ZRANB1: variants seen among roughly 807,000 people sequenced by gnomAD.
The protein encoded by ZRANB1 is ubiquitin thioesterase ZRANB1.
ZRANB1 carries 16 observed loss-of-function variants against 80.5 expected under a neutral mutation model. That is an observed-to-expected ratio of 0.20 (90% CI 0.13 to 0.30). The LOEUF (loss-of-function observed/expected upper bound fraction) is 0.30. Ranked by LOEUF, ZRANB1 falls within the 10% of genes least tolerant of loss-of-function variation. The pLI is 1.00. For synonymous variants in ZRANB1, 291 were observed against 293.1 expected (o/e 0.99, Z 0.07); for missense variants, 576 against 862.6 (o/e 0.67, Z 4.16).
At chr10:124,945,451 A>G (rs1181240963) in intron 1 of ZRANB1, 2 of 135,750 alleles carry the variant, frequency 1.5e-5, no homozygotes, top group African/African-American at 6.2e-5. Context: ...GTAGTGTACT[A>G]TGAATACTTG....
chr10:124,940,753 A>G (rs993193290), upstream of ZRANB1, among the ~76,000 whole-genome samples: 1 of 152,114 alleles, frequency 6.6e-6, no homozygotes, highest in Admixed American at 6.6e-5. Context: ...AGGTGGGTGG[A>G]TCACGAGGTC....
rs116871836 is a variant in ZRANB1 at position 124,950,472 on chromosome 10, A to G, written c.814+7165A>G. Among the ~76,000 whole-genome samples, 51 of 152,274 alleles carry G rather than the reference A, an allele frequency of 3.3e-4. 2 individuals are homozygous for G. In the East Asian group the frequency reaches 9.8e-3, roughly 29 times the overall value. ...ACATGTATTGGTAACGTTTTCTTAT[A>G]TTAGTTGTCTGCAAAAATATTGTTA... On this transcript the variant is annotated intron_variant, in intron 1 of 8. Transcript: ENST00000359653.
the ZRANB1 span, among the ~76,000 whole-genome samples, chr10:124,936,069 G>T: frequency 6.6e-6 from 1 of 152,080 alleles, no homozygotes; most frequent in Non-Finnish European, 1.5e-5. Flanking sequence ...ATAAATGAGG[G>T]TGTCTATTGT....
chr10:124,919,977 T>TGGCA, the ZRANB1 span, among the ~76,000 whole-genome samples: 1 of 126,548 alleles, frequency 7.9e-6, no homozygotes, highest in Admixed American at 9.6e-5. Flanking sequence ...TGGAGTGCCG[T>TGGCA]GGCATGATCT....
chr10:124,952,829 C>T (rs765118329), intron 1 of ZRANB1, among the ~76,000 whole-genome samples: 2 of 152,148 alleles, frequency 1.3e-5, no homozygotes, highest in Admixed American at 6.5e-5. Context: ...AGGCTAGTCT[C>T]GAACTCCTAA....
intron 1 of ZRANB1, 92 bp downstream of exon 1, chr10:124,943,399 G>A (rs1951553190): frequency 1.6e-6 from 2 of 1,270,344 alleles, no homozygotes; most frequent in Non-Finnish European, 1.1e-6. Context: ...ACACGTTTGT[G>A]GTCTTAGCCA....
chr10:124,929,405 G>A, the ZRANB1 span, among the ~76,000 whole-genome samples: 7 of 150,340 alleles, frequency 4.7e-5, no homozygotes, highest in Non-Finnish European at 1.0e-4. Flanking sequence ...GCGAGATCTC[G>A]GCTCACTGCA....
the ZRANB1 span, among the ~76,000 whole-genome samples, chr10:124,924,492 G>A: frequency 6.6e-6 from 1 of 152,162 alleles, no homozygotes; most frequent in South Asian, 2.1e-4. Flanking sequence ...TTTCCGCCTT[G>A]CCTCAGCTCC....
chr10:124,917,906 G>T, the ZRANB1 span, among the ~76,000 whole-genome samples: 1 of 152,150 alleles, frequency 6.6e-6, no homozygotes, highest in Admixed American at 6.6e-5. Context: ...TCATTTCACA[G>T]ACAAAAGAAC....
In ZRANB1 at chr10:124,984,989, ATG is replaced by A. The variant is rs1239261799; in HGVS notation, c.2125_2126del (p.Ter709LysfsTer15). 2.5e-6 allele frequency: 4 copies of A among 1,602,102 alleles called. No individual in the cohort carries two copies. In the Admixed American group the frequency reaches 5.1e-5, roughly 20 times the overall value. Reference protein sequence around the residue: ...GEEDEDDEDE* With the variant: ...GEEDEDDEDEX ...AGGAAGATGAGGATGATGAAGATGA[ATG>A]AAAAAAAAAATCAAACAGCAGAAGA... On this transcript the variant is annotated frameshift_variant and stop_lost, in exon 9 of 9. Coordinates refer to ENST00000359653, the MANE Select transcript of ZRANB1 (RefSeq NM_017580.3). LOFTEE classifies it high-confidence loss of function.
At chr10:124,940,621 T>A, upstream of ZRANB1, 1 of 989,318 alleles carries the variant, frequency 1.0e-6, no homozygotes, top group South Asian at 1.4e-5. Flanking sequence ...CTTAGCAGAG[T>A]TCACACTATA....
chr10:124,924,311 AG>A, the ZRANB1 span, among the ~76,000 whole-genome samples: 3 of 151,078 alleles, frequency 2.0e-5, no homozygotes, highest in African/African-American at 4.8e-5. Context: ...AAAAAAAAAA[AG>A]CAGCTTCATT....
chr10:124,968,945 G>A (rs923720773), intron 2 of ZRANB1, among the ~76,000 whole-genome samples: 23 of 152,184 alleles, frequency 1.5e-4, no homozygotes, highest in Middle Eastern at 3.2e-3. Context: ...TCCAGGAGCT[G>A]CTTAGCTGAA....
At chr10:124,943,812 G>A (rs546979969) in intron 1 of ZRANB1, among the ~76,000 whole-genome samples, 3 of 152,270 alleles carry the variant, frequency 2.0e-5, no homozygotes, top group Non-Finnish European at 4.4e-5. Context: ...TGTAACTGAG[G>A]AACACCAGCT....
At chr10:124,970,139 A>G (rs975691438) in intron 2 of ZRANB1, among the ~76,000 whole-genome samples, 2 of 152,176 alleles carry the variant, frequency 1.3e-5, no homozygotes, top group Non-Finnish European at 1.5e-5. Flanking sequence ...TTGGTTTTCC[A>G]TGTTTGAGTG....
At chr10:124,957,341 C>T (rs564001819) in intron 1 of ZRANB1, among the ~76,000 whole-genome samples, 13 of 152,190 alleles carry the variant, frequency 8.5e-5, no homozygotes, top group East Asian at 3.9e-4. Context: ...GCAGCACCTC[C>T]GATACCTCTG....
intron 2 of ZRANB1, among the ~76,000 whole-genome samples, chr10:124,967,977 C>T (rs751101332): frequency 1.2e-4 from 18 of 151,670 alleles, no homozygotes; most frequent in African/African-American, 7.3e-5. Flanking sequence ...TGGCTTACTG[C>T]AGCCTCTGCC....
At chr10:124,946,659 T>C (rs1026375812) in intron 1 of ZRANB1, among the ~76,000 whole-genome samples, 13 of 152,328 alleles carry the variant, frequency 8.5e-5, no homozygotes, top group Non-Finnish European at 1.5e-4. Context: ...TTCTGAACTG[T>C]TATACGTAAG....
At chr10:124,973,570 A>T in intron 3 of ZRANB1, 75 bp from the exon 4 acceptor site, 2 of 1,297,040 alleles carry the variant, frequency 1.5e-6, no homozygotes, top group Non-Finnish European at 2.2e-6. Flanking sequence ...GTAGGTAATT[A>T]ATAAGTGTAA....
Sources: gnomAD v4.1 joint callset for allele counts (sites outside exome capture counted in the v4.1 genomes callset) on GRCh38, gnomAD v4.1.1 for gene constraint, MANE v1.5 for transcripts, NCBI Gene and HGNC (gene_info 2026-07-23, HGNC 2026-07-21) for gene names.